The following OMA1 variants were observed in gnomAD, a reference collection of about 807,000 sequenced individuals.
OMA1 encodes metalloendopeptidase OMA1, mitochondrial.
Under a neutral mutation model 30.9 loss-of-function variants are expected in OMA1, and 38 were observed. That is an observed-to-expected ratio of 1.23 (90% confidence interval 0.95 to 1.61). OMA1 has a LOEUF of 1.61. Ranked by LOEUF, OMA1 falls within the 40% of genes most tolerant of loss-of-function variation. OMA1 has a pLI of 0.00. For missense variants in OMA1, 461 were observed against 349.2 expected (o/e 1.32, Z -2.55); for synonymous variants, 173 against 121.9 (o/e 1.42, Z -2.76).
intron 7 of OMA1, among the ~76,000 whole-genome samples, chr1:58,515,535 G>A (rs1646146163): frequency 6.6e-6 from 1 of 152,008 alleles, no homozygotes; most frequent in Admixed American, 6.5e-5. Flanking sequence ...ATACACACAA[G>A]CCTGTCTCAT....
intron 6 of OMA1, among the ~76,000 whole-genome samples, chr1:58,529,561 AAC>A (rs1339628885): frequency 1.3e-5 from 2 of 152,214 alleles, no homozygotes; most frequent in Non-Finnish European, 2.9e-5. Flanking sequence ...ATGATATTTT[AAC>A]AGAGTGAAAA....
chr1:58,536,441 C>T (rs112861151), intron 3 of OMA1, 72 bp downstream of exon 3: 1 of 717,984 alleles, frequency 1.4e-6, no homozygotes, highest in African/African-American at 1.8e-5. Context: ...ACATATCTTT[C>T]ACATTTAAGA....
In OMA1 at chr1:58,537,567, A is replaced by C. The variant is rs577360126; in HGVS notation, c.501-826T>G. On this transcript the variant is annotated intron_variant, in intron 2 of 8. Coordinates refer to ENST00000371226, the MANE Select transcript of OMA1 (RefSeq NM_145243.5). ...TCTCTGCCACTTAGCAGTGTTCAGA[A>C]ACATTTTGACAACAAGCAATGTTTT... Among the ~76,000 whole-genome samples the C allele has an allele frequency of 7.9e-5, 12 of 152,342 alleles. No homozygotes were observed. The East Asian group carries it at 2.3e-3, about 29-fold the overall frequency.
chr1:58,490,957 T>C lies in OMA1; in HGVS notation c.1366-9783A>G, dbSNP rs908387141. ...AGTAGCTGGGACTACAGGCACCCGC[T>C]ACCAAGCCCGGCTAAATTTTTTTGT... is the stretch of plus-strand genomic sequence containing the variant. On this transcript the variant is annotated intron_variant, in intron 8 of 8. Transcript: ENST00000371226. Among the ~76,000 whole-genome samples, 3 of 151,512 alleles carry C rather than the reference T, an allele frequency of 2.0e-5. No individual in the cohort carries two copies. The South Asian group carries it at 6.2e-4, about 32-fold the overall frequency.
At chr1:58,513,107 C>T (rs139319567) in intron 7 of OMA1, among the ~76,000 whole-genome samples, 7 of 152,074 alleles carry the variant, frequency 4.6e-5, no homozygotes, top group African/African-American at 1.4e-4. Flanking sequence ...CCCCATGTGT[C>T]GAGGGAGGGA....
chr1:58,501,899 A>G (rs1645912455), intron 8 of OMA1, among the ~76,000 whole-genome samples: 1 of 152,128 alleles, frequency 6.6e-6, no homozygotes, highest in Non-Finnish European at 1.5e-5. Flanking sequence ...AAAAAGAGAC[A>G]TAAGAGAGCT....
At chr1:58,505,358 G>A (rs557343070) in intron 8 of OMA1, among the ~76,000 whole-genome samples, 10 of 152,276 alleles carry the variant, frequency 6.6e-5, no homozygotes, top group African/African-American at 2.4e-4. Flanking sequence ...TTTAATACAA[G>A]TGAGATAGAA....
At chr1:58,482,325 G>A (rs140560546) in intron 8 of OMA1, among the ~76,000 whole-genome samples, 150 of 152,264 alleles carry the variant, frequency 9.9e-4, no homozygotes, top group Non-Finnish European at 1.8e-3. Flanking sequence ...TAAAAGAATC[G>A]TCCAATAGAA....
rs1354735809 is a variant in OMA1, at chr1:58,536,416, TA to T, written c.729+96del. 7 of 661,702 alleles carry T rather than the reference TA, an allele frequency of 1.1e-5. No homozygotes were observed. In the Admixed American group the frequency reaches 1.4e-4, roughly 13 times the overall value. 41.0% of individuals were successfully genotyped at this position (661,702 alleles called of 1,614,324 possible). Reference sequence around the variant, plus strand: ...AAAATGCTAATTTCATATCAAAGACTAAAATTAAAAAACAACATATCTTTCA... The same window carrying T: ...AAAATGCTAATTTCATATCAAAGACTAAATTAAAAAACAACATATCTTTCA... On this transcript the variant is annotated intron_variant, in intron 3 of 8. Coordinates refer to ENST00000371226, the MANE Select transcript of OMA1 (RefSeq NM_145243.5).
chr1:58,500,014 T>G (rs1645880382), intron 8 of OMA1, among the ~76,000 whole-genome samples: 1 of 152,156 alleles, frequency 6.6e-6, no homozygotes, highest in Non-Finnish European at 1.5e-5. Flanking sequence ...ACGACTGGAT[T>G]AAAAGCTTCC....
intron 1 of OMA1, among the ~76,000 whole-genome samples, chr1:58,541,293 C>CAA (rs71043292): frequency 1.5e-4 from 4 of 27,570 alleles, no homozygotes; most frequent in African/African-American, 2.2e-4. Context: ...GACTCTGTCT[C>CAA]AAAAAAAAAA....
chr1:58,493,212 A>G (rs1645731594), intron 8 of OMA1, among the ~76,000 whole-genome samples: 1 of 152,226 alleles, frequency 6.6e-6, no homozygotes, highest in Non-Finnish European at 1.5e-5. Context: ...GACAAAATTC[A>G]ACAGCCCTTC....
At chr1:58,540,217 C>T (rs1311706500) in intron 1 of OMA1, among the ~76,000 whole-genome samples, 1 of 151,794 alleles carries the variant, frequency 6.6e-6, no homozygotes, top group African/African-American at 2.4e-5. Flanking sequence ...TCTGGCCCCA[C>T]CTAACAAATA....
At chr1:58,504,968 T>C (rs1453175388) in intron 8 of OMA1, among the ~76,000 whole-genome samples, 2 of 152,168 alleles carry the variant, frequency 1.3e-5, no homozygotes, top group African/African-American at 4.8e-5. Context: ...TTCTTTTTTT[T>C]TTTTGAGACA....
At chr1:58,493,682 AT>A (rs1173696190) in intron 8 of OMA1, among the ~76,000 whole-genome samples, 2 of 151,704 alleles carry the variant, frequency 1.3e-5, no homozygotes, top group Non-Finnish European at 2.9e-5. Context: ...TTCAAAGAGA[AT>A]AAAATAGCTA....
intron 1 of OMA1, 174 bp downstream of exon 1, chr1:58,546,529 T>C (rs1180574036): frequency 7.3e-6 from 1 of 136,292 alleles, no homozygotes; most frequent in African/African-American, 2.8e-5. Flanking sequence ...CGCAGCCTTA[T>C]CGCCCACCCA....
At chr1:58,491,035 C>T (rs1645678507) in intron 8 of OMA1, among the ~76,000 whole-genome samples, 1 of 151,812 alleles carries the variant, frequency 6.6e-6, no homozygotes, top group Non-Finnish European at 1.5e-5. Context: ...TCTCAATCTC[C>T]TGACCTCGTG....
intron 7 of OMA1, 62 bp from the exon 8 acceptor site, chr1:58,506,271 C>G (rs1408034704): frequency 1.3e-6 from 1 of 759,800 alleles, no homozygotes; most frequent in Non-Finnish European, 2.2e-6. Flanking sequence ...TTAAAAACTA[C>G]TACTTTATTT....
chr1:58,480,815 C>G lies in OMA1; in HGVS notation c.*150G>C, dbSNP rs1645466602. 5.7e-6 allele frequency: 3 copies of G among 522,710 alleles called. No individual in the cohort carries two copies. The highest frequency in any genetic ancestry group is 9.7e-6 in the Non-Finnish European group (3 of 310,590). 32.4% of individuals were successfully genotyped at this position (522,710 alleles called of 1,614,324 possible). On this transcript the variant is annotated 3_prime_UTR_variant, in exon 9 of 9. Coordinates refer to ENST00000371226, the MANE Select transcript of OMA1 (RefSeq NM_145243.5). ...ATCAATATTTCATGAAAAATAAATTCTAGAAGAATTTAGATAATATCTGTA... is the reference window on the plus strand; with the variant it reads ...ATCAATATTTCATGAAAAATAAATTGTAGAAGAATTTAGATAATATCTGTA...
Sources: allele counts gnomAD v4.1 joint callset (sites outside exome capture counted in the v4.1 genomes callset), GRCh38; gene constraint gnomAD v4.1.1; transcripts MANE v1.5; gene names NCBI Gene and HGNC (gene_info 2026-07-23, HGNC 2026-07-21).